The following DGLUCY variants were observed in gnomAD, a reference collection of about 807,000 sequenced individuals.
The protein encoded by DGLUCY is D-glutamate cyclase, mitochondrial.
DGLUCY carries 58 observed loss-of-function variants against 58.5 expected under a neutral mutation model. The ratio of observed to expected loss-of-function variants is 0.99; its 90% CI spans 0.80 to 1.23. The LOEUF is 1.23. DGLUCY is among the 50% of genes most tolerant of loss of function. The pLI is 0.00. For synonymous variants in DGLUCY, 325 were observed against 314.1 expected (o/e 1.03, Z -0.37); for missense variants, 779 against 784.7 (o/e 0.99, Z 0.09).
At chr14:91,078,880 A>T (rs964660648) in intron 1 of DGLUCY, among the ~76,000 whole-genome samples, 1 of 140,498 alleles carries the variant, frequency 7.1e-6, no homozygotes, top group African/African-American at 2.6e-5. Context: ...TTTAATTTTT[A>T]TTTATTTATT....
At chr14:91,092,178 T>A (rs2044322479) in intron 1 of DGLUCY, among the ~76,000 whole-genome samples, 1 of 152,240 alleles carries the variant, frequency 6.6e-6, no homozygotes, top group Non-Finnish European at 1.5e-5. Flanking sequence ...TAGTACTAAT[T>A]TAACGCTTGA....
chr14:91,193,365 C>T (rs145760037), intron 9 of DGLUCY, among the ~76,000 whole-genome samples: 1,766 of 152,298 alleles, frequency 0.012, 19 homozygotes, highest in Middle Eastern at 0.024. Context: ...GGCTTGGAGA[C>T]GCCTGCCAGA....
upstream of DGLUCY, among the ~76,000 whole-genome samples, chr14:91,111,034 C>T (rs1279940436): frequency 2.6e-5 from 4 of 152,044 alleles, no homozygotes; most frequent in African/African-American, 2.4e-5. Flanking sequence ...GTTGGCTTAA[C>T]GTTTTTGTCT....
chr14:91,219,215 C>A (rs1316635275), intron 13 of DGLUCY, among the ~76,000 whole-genome samples: 1 of 151,934 alleles, frequency 6.6e-6, no homozygotes, highest in African/African-American at 2.4e-5. Flanking sequence ...AAAAAAGCTT[C>A]TGTGGGAGCA....
chr14:91,158,002 T>C (rs1207850480), intron 2 of DGLUCY, among the ~76,000 whole-genome samples: 2 of 152,168 alleles, frequency 1.3e-5, no homozygotes, highest in Non-Finnish European at 2.9e-5. Flanking sequence ...GGGTGGCCCA[T>C]TCCAGTGGGT....
intron 12 of DGLUCY, among the ~76,000 whole-genome samples, chr14:91,214,489 G>A (rs1211619486): frequency 2.6e-5 from 4 of 152,236 alleles, no homozygotes; most frequent in Non-Finnish European, 5.9e-5. Context: ...CCAGCGCGAC[G>A]GGGCTGTTTC....
At chr14:91,195,670 G>GTTTTTT (rs1207157314) in intron 9 of DGLUCY, among the ~76,000 whole-genome samples, 12 of 120,656 alleles carry the variant, frequency 9.9e-5, no homozygotes, top group East Asian at 2.3e-4. Flanking sequence ...TTTGGGTTTT[G>GTTTTTT]TTTTTTTTTT....
chr14:91,127,228 T>C (rs1451626899), intron 1 of DGLUCY, among the ~76,000 whole-genome samples: 1 of 152,008 alleles, frequency 6.6e-6, no homozygotes, highest in Non-Finnish European at 1.5e-5. Flanking sequence ...GGGTATTTTT[T>C]AAATATTTTG....
At chr14:91,179,751 CAA>C (rs200673413) in intron 7 of DGLUCY, among the ~76,000 whole-genome samples, 11 of 134,682 alleles carry the variant, frequency 8.2e-5, no homozygotes, top group Admixed American at 1.5e-4. Flanking sequence ...GTTCCGTCTC[CAA>C]AAAAAAAAAA....
intron 3 of DGLUCY, among the ~76,000 whole-genome samples, chr14:91,162,852 G>A (rs371230327): frequency 1.3e-5 from 2 of 150,060 alleles, no homozygotes; most frequent in Admixed American, 6.7e-5. Flanking sequence ...AGCCGAGATC[G>A]CACCATTGCA....
chr14:91,157,049 G>T (rs1021802458), intron 1 of DGLUCY, among the ~76,000 whole-genome samples: 1 of 152,148 alleles, frequency 6.6e-6, no homozygotes, highest in Non-Finnish European at 1.5e-5. Context: ...ATGGATGAAT[G>T]AATGGGTGAG....
Position 91,215,442 on chromosome 14 carries a change from A to G in DGLUCY, c.1602A>G (p.Ala534=), listed in dbSNP as rs569857987. Residue 534 remains alanine, a synonymous_variant, in exon 13 of 14, where the codon GCA becomes GCG. Transcript: ENST00000256324. The part of the protein sequence containing the change: ...SNWGGYALAC[A]LYILYSCAVH... ...GGGGAGGCTATGCCCTGGCCTGCGC[A>G]CTCTACATCCTGTACTCATGTGCTG... 1 of 1,613,606 alleles carries G rather than the reference A, an allele frequency of 6.2e-7. No individual in the cohort carries two copies. Among genetic ancestry groups the G allele is most frequent in the South Asian group, 1.1e-5 (1 of 91,072 alleles).
chr14:91,172,631 A>G (rs958079176), intron 5 of DGLUCY, among the ~76,000 whole-genome samples: 18 of 151,094 alleles, frequency 1.2e-4, no homozygotes, highest in Admixed American at 9.9e-4. Flanking sequence ...AAGCATGCAT[A>G]TTGTCTCACA....
chr14:91,168,394 A>G (rs939139405), intron 4 of DGLUCY, among the ~76,000 whole-genome samples: 8 of 152,078 alleles, frequency 5.3e-5, no homozygotes, highest in Admixed American at 5.2e-4. Context: ...CACTCCAGTC[A>G]TCCCCAGCCA....
chr14:91,128,692 G>C (rs1260629016), intron 1 of DGLUCY: 1 of 151,598 alleles, frequency 6.6e-6, no homozygotes, highest in African/African-American at 2.4e-5. Context: ...GGTTTTAATG[G>C]GATTTCAGGC....
upstream of DGLUCY, among the ~76,000 whole-genome samples, chr14:91,111,937 G>A (rs1185942239): frequency 6.6e-6 from 1 of 152,088 alleles, no homozygotes; most frequent in East Asian, 1.9e-4. Flanking sequence ...TTTGGCTCTT[G>A]TCTAATAAAG....
intron 1 of DGLUCY, among the ~76,000 whole-genome samples, chr14:91,155,921 G>A (rs893233061): frequency 6.6e-6 from 1 of 151,966 alleles, no homozygotes; most frequent in Admixed American, 6.6e-5. Flanking sequence ...AGCCACTCCT[G>A]CTCAGGCCCC....
intron 9 of DGLUCY, 102 bp downstream of exon 9, chr14:91,189,272 C>G: frequency 7.0e-7 from 1 of 1,434,178 alleles, no homozygotes; most frequent in Non-Finnish European, 9.6e-7. Context: ...CCTTCCAGCT[C>G]AGAACAACTC....
rs551157613 is a variant in DGLUCY, at chr14:91,167,609, A to G, written c.257+231A>G. On this transcript the variant is annotated intron_variant, in intron 4 of 13. Transcript: ENST00000256324. ...CTGAGATCTTTGAGATCATGGAGAA[A>G]GTCCAGCCCTGGAGAAATCCCACTG... 55 of 720,140 alleles carry G rather than the reference A, an allele frequency of 7.6e-5. No homozygotes were observed. In the South Asian group the frequency reaches 7.8e-4, roughly 10 times the overall value. 44.6% of individuals were successfully genotyped at this position (720,140 alleles called of 1,614,324 possible).
Sources: gnomAD v4.1 joint callset for allele counts (sites outside exome capture counted in the v4.1 genomes callset) on GRCh38, gnomAD v4.1.1 for gene constraint, MANE v1.5 for transcripts, NCBI Gene and HGNC (gene_info 2026-07-23, HGNC 2026-07-21) for gene names.